Variants in FHIT observed in about 807,000 individuals in gnomAD.
The protein encoded by FHIT is bis(5'-adenosyl)-triphosphatase.
Under a neutral mutation model 17.9 loss-of-function variants are expected in FHIT, and 19 were observed. The observed-to-expected ratio is 1.06, with a 90% CI of 0.74 to 1.56. FHIT has a LOEUF of 1.56. Among genes scored for constraint, FHIT ranks in the 40% most tolerant of loss-of-function variants. The probability of loss-of-function intolerance (pLI) is 0.00; values close to 1 mark genes in which losing one functional copy is unlikely to be tolerated. For synonymous variants in FHIT, 81 were observed against 69.7 expected (o/e 1.16, Z -0.81); for missense variants, 248 against 189.2 (o/e 1.31, Z -1.82).
At chr3:60,378,724 A>G (rs1236746349) in intron 5 of FHIT, among the ~76,000 whole-genome samples, 2 of 152,238 alleles carry the variant, frequency 1.3e-5, no homozygotes, top group Non-Finnish European at 2.9e-5. Flanking sequence ...CTTCTAAAAA[A>G]TGAAAAATGT....
At chr3:60,084,978 T>C (rs1439961475) in intron 5 of FHIT, among the ~76,000 whole-genome samples, 1 of 152,164 alleles carries the variant, frequency 6.6e-6, no homozygotes, top group African/African-American at 2.4e-5. Flanking sequence ...CTTTTCTATA[T>C]GTTGGAGGCA....
intron 5 of FHIT, among the ~76,000 whole-genome samples, chr3:60,101,015 A>G (rs1704168678): frequency 6.6e-6 from 1 of 152,186 alleles, no homozygotes; most frequent in Non-Finnish European, 1.5e-5. Flanking sequence ...TAGAGTCTGA[A>G]TATGTACACT....
chr3:59,953,556 C>T (rs1707234755), intron 7 of FHIT, among the ~76,000 whole-genome samples: 1 of 152,184 alleles, frequency 6.6e-6, no homozygotes, highest in African/African-American at 2.4e-5. Flanking sequence ...GGTATCTTTC[C>T]TCGTTTTTCC....
At chr3:60,687,808 C>G (rs1182129818) in intron 4 of FHIT, among the ~76,000 whole-genome samples, 3 of 152,070 alleles carry the variant, frequency 2.0e-5, no homozygotes, top group African/African-American at 7.2e-5. Context: ...TTTCTAACAG[C>G]CTTTGTTTCA....
intron 1 of FHIT, among the ~76,000 whole-genome samples, chr3:61,231,790 TA>T (rs1442090816): frequency 5.9e-5 from 9 of 152,098 alleles, no homozygotes; most frequent in Non-Finnish European, 1.3e-4. Context: ...TAACAAGTGC[TA>T]TGGAAAAAAG....
chr3:60,307,380 C>A (rs1480583762), intron 5 of FHIT, among the ~76,000 whole-genome samples: 1 of 152,050 alleles, frequency 6.6e-6, no homozygotes, highest in East Asian at 1.9e-4. Flanking sequence ...TTCATCTGCC[C>A]GAAGGAAGAC....
intron 5 of FHIT, among the ~76,000 whole-genome samples, chr3:60,436,764 C>T (rs1312196102): frequency 1.3e-5 from 2 of 152,032 alleles, no homozygotes. Context: ...AAAGAGGTTT[C>T]TTTTTATTTC....
intron 2 of FHIT, among the ~76,000 whole-genome samples, chr3:61,154,478 A>ATT (rs78142518): frequency 6.6e-6 from 1 of 151,872 alleles, no homozygotes; most frequent in Non-Finnish European, 1.5e-5. Flanking sequence ...AAATTTTGTT[A>ATT]TTTTTTTTCC....
intron 5 of FHIT, among the ~76,000 whole-genome samples, chr3:60,469,574 A>G (rs2032976438): frequency 6.6e-6 from 1 of 152,074 alleles, no homozygotes. Context: ...CTTGGATTCC[A>G]CTGAGCTTCT....
intron 5 of FHIT, among the ~76,000 whole-genome samples, chr3:60,232,524 T>C (rs1049002957): frequency 6.6e-6 from 1 of 152,196 alleles, no homozygotes; most frequent in Non-Finnish European, 1.5e-5. Context: ...GAGGTGAAAT[T>C]AAATGGAATC....
chr3:59,787,414 C>CGT (rs112327119), intron 8 of FHIT, among the ~76,000 whole-genome samples: 22,921 of 151,034 alleles, frequency 0.15, 1,937 homozygotes, highest in Admixed American at 0.21. Context: ...TGGGAAGTCA[C>CGT]GTCCTCATGA....
At chr3:60,490,253 C>T (rs1247432543) in intron 5 of FHIT, among the ~76,000 whole-genome samples, 1 of 151,788 alleles carries the variant, frequency 6.6e-6, no homozygotes, top group Non-Finnish European at 1.5e-5. Flanking sequence ...TTCATAACAT[C>T]TAGTAGAAGG....
intron 8 of FHIT, among the ~76,000 whole-genome samples, chr3:59,762,461 G>C (rs1319128488): frequency 1.3e-5 from 2 of 152,056 alleles, no homozygotes; most frequent in African/African-American, 4.8e-5. Flanking sequence ...CTCAACCAAT[G>C]TAACATGGAT....
chr3:60,592,434 G>A (rs1025628951), intron 4 of FHIT, among the ~76,000 whole-genome samples: 11 of 152,118 alleles, frequency 7.2e-5, no homozygotes, highest in Non-Finnish European at 1.6e-4. Flanking sequence ...GGTCTAATTT[G>A]CTCATGTAAG....
At chr3:60,677,356 CTA>C (rs1481830139) in intron 4 of FHIT, among the ~76,000 whole-genome samples, 4 of 152,194 alleles carry the variant, frequency 2.6e-5, no homozygotes, top group African/African-American at 9.6e-5. Flanking sequence ...ATTCTATACT[CTA>C]TGTCTACATA....
chr3:60,225,905 T>C (rs1296094502), intron 5 of FHIT, among the ~76,000 whole-genome samples: 1 of 152,152 alleles, frequency 6.6e-6, no homozygotes, highest in Non-Finnish European at 1.5e-5. Flanking sequence ...TGACCAGGAA[T>C]GTGACCATAC....
chr3:60,193,674 G>C (rs1702501589), intron 5 of FHIT, among the ~76,000 whole-genome samples: 1 of 152,158 alleles, frequency 6.6e-6, no homozygotes, highest in African/African-American at 2.4e-5. Flanking sequence ...TATTTCTGGG[G>C]CCAATCAAGT....
chr3:60,117,726 T>TC (rs1705036924), intron 5 of FHIT, among the ~76,000 whole-genome samples: 1 of 152,072 alleles, frequency 6.6e-6, no homozygotes, highest in South Asian at 2.1e-4. Flanking sequence ...ATGAGCTGAT[T>TC]CCATTAAAAA....
At chr3:59,848,138 T>A (rs983718139) in intron 8 of FHIT, among the ~76,000 whole-genome samples, 40 of 152,166 alleles carry the variant, frequency 2.6e-4, no homozygotes, top group African/African-American at 9.4e-4. Context: ...CCACAAGCCA[T>A]GTGCAAACCA....
Sources: allele counts gnomAD v4.1 joint callset (sites outside exome capture counted in the v4.1 genomes callset), GRCh38; gene constraint gnomAD v4.1.1; transcripts MANE v1.5; gene names NCBI Gene and HGNC (gene_info 2026-07-23, HGNC 2026-07-21).